Variants in TMTC1 observed in about 807,000 individuals in gnomAD.
The protein encoded by TMTC1 is transmembrane O-mannosyltransferase targeting cadherins 1.
TMTC1 carries 73 observed loss-of-function variants against 104.8 expected under a neutral mutation model. That is an observed-to-expected ratio of 0.70 (90% CI 0.58 to 0.85). The LOEUF (loss-of-function observed/expected upper bound fraction) is 0.85. Among genes scored for constraint, TMTC1 ranks in the 40% least tolerant of loss-of-function variants. The pLI is 0.00. For synonymous variants in TMTC1, 434 were observed against 428.7 expected, an observed-to-expected ratio of 1.01 and a Z score of -0.15; for missense variants, 1,035 against 1,096.1, an observed-to-expected ratio of 0.94 and a Z score of 0.79.
At chr12:29,688,632 C>T (rs1012507615) in intron 5 of TMTC1, among the ~76,000 whole-genome samples, 1 of 152,130 alleles carries the variant, frequency 6.6e-6, no homozygotes. Context: ...AGTCTAATGC[C>T]TGAGTTATGT....
At chr12:29,652,923 G>A (rs112839632) in intron 5 of TMTC1, among the ~76,000 whole-genome samples, 7,311 of 152,168 alleles carry the variant, frequency 0.048, 204 homozygotes, top group Admixed American at 0.068. Context: ...TTAGCTGGGT[G>A]TGGTGGTATA....
At chr12:29,630,522 C>T (rs1938243907) in intron 6 of TMTC1, among the ~76,000 whole-genome samples, 1 of 152,130 alleles carries the variant, frequency 6.6e-6, no homozygotes, top group Admixed American at 6.5e-5. Flanking sequence ...GGGGACACAG[C>T]CAAACCATGT....
At chr12:29,508,579 C>T (rs982857457) in intron 17 of TMTC1, among the ~76,000 whole-genome samples, 1 of 152,060 alleles carries the variant, frequency 6.6e-6, no homozygotes, top group East Asian at 1.9e-4. Flanking sequence ...CTTTTCTTCA[C>T]TAAACTAGAA....
chr12:29,531,678 T>A (rs951041690), intron 11 of TMTC1, among the ~76,000 whole-genome samples: 1 of 152,192 alleles, frequency 6.6e-6, no homozygotes, highest in African/African-American at 2.4e-5. Flanking sequence ...ACAAAGAGTA[T>A]AGCAAGTCAG....
At chr12:29,542,994 C>A (rs1250381929) in intron 10 of TMTC1, among the ~76,000 whole-genome samples, 1 of 152,144 alleles carries the variant, frequency 6.6e-6, no homozygotes. Context: ...CAGCAAAACT[C>A]AACTCTCTCA....
intron 17 of TMTC1, among the ~76,000 whole-genome samples, chr12:29,511,693 T>A (rs1392499898): frequency 6.6e-6 from 1 of 152,182 alleles, no homozygotes; most frequent in Non-Finnish European, 1.5e-5. Context: ...GGGAAGAAAT[T>A]AAGCTATACT....
At chr12:29,698,338 G>A (rs1169441833) in intron 5 of TMTC1, among the ~76,000 whole-genome samples, 3 of 152,046 alleles carry the variant, frequency 2.0e-5, no homozygotes, top group Non-Finnish European at 4.4e-5. Flanking sequence ...GATCCCATTG[G>A]GTTAATGGGT....
At chr12:29,585,269 C>T (rs12099592) in intron 7 of TMTC1, among the ~76,000 whole-genome samples, 248 of 152,236 alleles carry the variant, frequency 1.6e-3, no homozygotes, top group African/African-American at 5.7e-3. Context: ...TATCCTTTGC[C>T]CACTTTTTGA....
intron 5 of TMTC1, among the ~76,000 whole-genome samples, chr12:29,703,521 T>C (rs564891317): frequency 2.6e-5 from 4 of 152,344 alleles, no homozygotes; most frequent in Admixed American, 2.6e-4. Flanking sequence ...TTTAAAATAA[T>C]TTTATAGAGA....
rs138552815 is a variant in TMTC1 at position 29,620,391 on chromosome 12, G to GCA, written c.1128+12754_1128+12755dup. Among the ~76,000 whole-genome samples, 1,201 of 152,310 alleles carry GCA rather than the reference G, an allele frequency of 7.9e-3. 12 individuals carry two copies. The highest frequency in any genetic ancestry group is 0.028 in the African/African-American group (1,150 of 41,564). ...CTGGGCAACACAACTCAACATGCAT[G>GCA]CAGGAGCTACCCCCAACACAGAGGG... is the stretch of plus-strand genomic sequence containing the variant. On this transcript the variant is annotated intron_variant, in intron 6 of 17. Transcript: ENST00000539277.
chr12:29,605,243 ATAAG>A (rs1161605329), intron 6 of TMTC1, among the ~76,000 whole-genome samples: 3 of 152,150 alleles, frequency 2.0e-5, no homozygotes, highest in African/African-American at 7.2e-5. Flanking sequence ...TTGGAAAAGA[ATAAG>A]TAAAAGAATT....
chr12:29,666,816 T>C (rs934595968), intron 5 of TMTC1, among the ~76,000 whole-genome samples: 1 of 152,180 alleles, frequency 6.6e-6, no homozygotes, highest in Non-Finnish European at 1.5e-5. Flanking sequence ...ATTGTAACTG[T>C]TTAACATTAT....
rs182139038 is a variant in TMTC1, at chr12:29,572,436, T to C, written c.1419-218A>G. On this transcript the variant is annotated intron_variant, in intron 8 of 17. Transcript: ENST00000539277. ...AATGGAGGCAGTATAGTGTTATGTA[T>C]AGCTGAACAAGCATGCTAACTGTGT... Among the ~76,000 whole-genome samples, 1,010 of 152,338 alleles carry C rather than the reference T, an allele frequency of 6.6e-3. 5 individuals carry two copies. Among genetic ancestry groups the C allele is most frequent in the Middle Eastern group, 0.01 (3 of 294 alleles).
At chr12:29,572,466 A>G (rs964701240) in intron 8 of TMTC1, among the ~76,000 whole-genome samples, 4 of 152,214 alleles carry the variant, frequency 2.6e-5, no homozygotes, top group African/African-American at 9.6e-5. Flanking sequence ...CTGTGTATGA[A>G]CAAAATGCCC....
intron 1 of TMTC1, among the ~76,000 whole-genome samples, chr12:29,772,136 A>G (rs1366497081): frequency 6.6e-6 from 1 of 152,300 alleles, no homozygotes; most frequent in East Asian, 1.9e-4. Flanking sequence ...TTACTTTCAT[A>G]CTTCTTTTTT....
chr12:29,518,431 G>A, intron 13 of TMTC1, 41 bp downstream of exon 13: 2 of 1,596,924 alleles, frequency 1.3e-6, no homozygotes, highest in Non-Finnish European at 1.7e-6. Flanking sequence ...TGATTGCTGA[G>A]GTTCCTGGGC....
At position 29,566,233 on chromosome 12, in the gene TMTC1, C is replaced by T. The variant is rs374751156; in HGVS notation, c.1532+5872G>A. ...AGGGTTCTAGGAGGAAAGAACAGAA[C>T]GCAGAACCCCTGAAACAGGAAGGTG... is the stretch of plus-strand genomic sequence containing the variant. On this transcript the variant is annotated intron_variant, in intron 9 of 17. Coordinates refer to ENST00000539277, the MANE Select transcript of TMTC1 (RefSeq NM_001193451.2). Among the ~76,000 whole-genome samples the T allele has an allele frequency of 1.1e-4, 16 of 152,158 alleles. No homozygotes were observed. In the East Asian group the frequency reaches 1.7e-3, roughly 17 times the overall value.
chr12:29,600,008 A>ATT lies in TMTC1; in HGVS notation c.1250+4168_1250+4169dup, dbSNP rs1555174499. 5.9e-3 allele frequency among the ~76,000 whole-genome samples: 703 copies of ATT among 118,664 alleles called. 16 individuals are homozygous for ATT. The highest frequency in any genetic ancestry group is 0.024 in the African/African-American group (635 of 26,110). The allele number at this position is 118,664 out of a possible 152,430, so 77.8% of individuals were successfully genotyped here. On this transcript the variant is annotated intron_variant, in intron 7 of 17. Coordinates refer to ENST00000539277, the MANE Select transcript of TMTC1 (RefSeq NM_001193451.2). ...TGTGTATATACATATATATATATAT[A>ATT]TTTTTTTTTTTTTTTCCCTCAAAAG...
chr12:29,592,432 G>C (rs2136358787), intron 7 of TMTC1, among the ~76,000 whole-genome samples: 1 of 152,280 alleles, frequency 6.6e-6, no homozygotes, highest in Non-Finnish European at 1.5e-5. Context: ...AGATCCTGGG[G>C]TAAGTATGAA....
Sources: gnomAD v4.1 joint callset for allele counts (sites outside exome capture counted in the v4.1 genomes callset) on GRCh38, gnomAD v4.1.1 for gene constraint, MANE v1.5 for transcripts, NCBI Gene and HGNC (gene_info 2026-07-23, HGNC 2026-07-21) for gene names.